Variants in CPNE1 observed in about 807,000 individuals in gnomAD.
The protein encoded by CPNE1 is copine 1, also known as copine-1.
Under a neutral mutation model 63.2 loss-of-function variants are expected in CPNE1, and 58 were observed. The observed-to-expected ratio is 0.92, with a 90% CI of 0.74 to 1.14. The LOEUF is 1.14. Among genes scored for constraint, CPNE1 ranks in the 50% most tolerant of loss-of-function variants. CPNE1 has a pLI of 0.00. For synonymous variants in CPNE1, 237 were observed against 249.0 expected (o/e 0.95, Z 0.45); for missense variants, 672 against 661.7 (o/e 1.02, Z -0.17).
chr20:35,648,311 A>G (rs561499778), intron 1 of CPNE1, among the ~76,000 whole-genome samples: 1 of 152,338 alleles, frequency 6.6e-6, no homozygotes, highest in South Asian at 2.1e-4. Context: ...TACCCTGTAA[A>G]AGCTCTACTT....
chr20:35,654,485 A>G (rs2033764356), intron 1 of CPNE1: 1 of 1,614,206 alleles, frequency 6.2e-7, no homozygotes, highest in East Asian at 2.2e-5. Flanking sequence ...ACAGGATTCA[A>G]CGGACCAAGA....
intron 8 of CPNE1, 27 bp downstream of exon 8, chr20:35,631,465 C>G (rs575324157): frequency 6.2e-7 from 1 of 1,611,946 alleles, no homozygotes; most frequent in East Asian, 2.2e-5. Flanking sequence ...GGCCCATTTC[C>G]ACACCCCTGG....
At chr20:35,640,019 T>G (rs1241102864) in intron 1 of CPNE1, among the ~76,000 whole-genome samples, 2 of 152,302 alleles carry the variant, frequency 1.3e-5, no homozygotes, top group African/African-American at 4.8e-5. Flanking sequence ...CTCACTGATG[T>G]GAGCCCCTAA....
At chr20:35,642,194 T>C (rs1358625932) in intron 1 of CPNE1, among the ~76,000 whole-genome samples, 1 of 152,210 alleles carries the variant, frequency 6.6e-6, no homozygotes, top group Non-Finnish European at 1.5e-5. Context: ...TGGGATCTAA[T>C]TCAGTGCCAA....
intron 13 of CPNE1, among the ~76,000 whole-genome samples, chr20:35,628,646 A>G (rs574083626): frequency 1.3e-5 from 2 of 152,352 alleles, no homozygotes; most frequent in South Asian, 2.1e-4. Flanking sequence ...TATACTGTTT[A>G]TATCATGAAA....
chr20:35,634,905 A>AT (rs56017917), intron 1 of CPNE1, among the ~76,000 whole-genome samples: 14,755 of 122,046 alleles, frequency 0.12, 1,185 homozygotes, highest in Middle Eastern at 0.19. Flanking sequence ...ACACCCAGCT[A>AT]TTTTTTTTTT....
At chr20:35,627,493 C>T in intron 13 of CPNE1, 80 bp from the exon 14 acceptor site, 1 of 1,455,826 alleles carries the variant, frequency 6.9e-7, no homozygotes, top group Non-Finnish European at 9.3e-7. Context: ...CCATCCCAGC[C>T]CAGGAGATCT....
At chr20:35,636,186 A>G (rs1211126983) in intron 1 of CPNE1, among the ~76,000 whole-genome samples, 3 of 152,176 alleles carry the variant, frequency 2.0e-5, no homozygotes, top group Admixed American at 6.5e-5. Context: ...CAGACTTCTG[A>G]CCATCCTGAT....
In CPNE1 at chr20:35,630,440, TG is replaced by T; in HGVS notation, c.1100del (p.Ala367GlufsTer54). ...LNFNPSNPYC[A>X]GIQGIVDAYR... Reference sequence around the variant, plus strand: ...CTCAGGGTGGATGGGGAAACTTACCTGCACAGTAGGGGTTACTGGGGTTGAA... The same window carrying T: ...CTCAGGGTGGATGGGGAAACTTACCTCACAGTAGGGGTTACTGGGGTTGAA... On this transcript the variant is annotated frameshift_variant and splice_region_variant, in exon 13 of 16. Coordinates refer to ENST00000397443, the MANE Select transcript of CPNE1 (RefSeq NM_152925.3). LOFTEE classifies it high-confidence loss of function. 1 of 1,614,102 alleles carries T rather than the reference TG, an allele frequency of 6.2e-7. No homozygotes were observed.
Position 35,652,818 on chromosome 20 carries a change from A to G in CPNE1, c.-1+11942T>C, listed in dbSNP as rs376657170. On this transcript the variant is annotated intron_variant, in intron 1 of 15. Coordinates refer to ENST00000397443, the MANE Select transcript of CPNE1 (RefSeq NM_152925.3). ...GGGGACCACCAATATGGATTGGGCC[A>G]GGGCCGGGGCCGGGGCCGGGGCCAG... is the stretch of plus-strand genomic sequence containing the variant. 5.0e-5 allele frequency: 80 copies of G among 1,602,466 alleles called. No individual in the cohort carries two copies. The highest frequency in any genetic ancestry group is 1.7e-4 in the Middle Eastern group (1 of 6,010).
At chr20:35,646,852 A>G (rs1219244272) in intron 1 of CPNE1, among the ~76,000 whole-genome samples, 2 of 152,208 alleles carry the variant, frequency 1.3e-5, no homozygotes, top group Non-Finnish European at 2.9e-5. Context: ...TGAAATGGCA[A>G]GCCATTAATT....
chr20:35,629,083 C>T (rs1464622044), intron 13 of CPNE1, among the ~76,000 whole-genome samples: 2 of 152,146 alleles, frequency 1.3e-5, no homozygotes, highest in Non-Finnish European at 2.9e-5. Context: ...TGTACACACA[C>T]ACACACATAT....
In CPNE1 at chr20:35,631,122, T is replaced by G; in HGVS notation, c.853A>C (p.Asn285His). 1 of 1,614,102 alleles carries G rather than the reference T, an allele frequency of 6.2e-7. No homozygotes were observed. Among genetic ancestry groups the G allele is most frequent in the Non-Finnish European group, 8.5e-7 (1 of 1,180,020 alleles). ...TTGGTAAAGTAACTTACAGTGAAGTTGATCTGACAGCCTCCCATCACATAG... is the reference window on the plus strand; with the variant it reads ...TTGGTAAAGTAACTTACAGTGAAGTGGATCTGACAGCCTCCCATCACATAG... ...LDYVMGGCQI[N>H]FTVGVDFTGS... The change falls in exon 10 of 16, where the codon AAC becomes CAC. Residue 285 changes from asparagine to histidine, a missense_variant. Coordinates refer to ENST00000397443, the MANE Select transcript of CPNE1 (RefSeq NM_152925.3).
intron 1 of CPNE1, chr20:35,650,886 G>T (rs2033461166): frequency 2.0e-5 from 3 of 152,550 alleles, no homozygotes; most frequent in African/African-American, 7.2e-5. Context: ...TGACCCCTTT[G>T]TAACTACGCT....
intron 1 of CPNE1, chr20:35,651,340 C>CA (rs946838265): frequency 1.1e-4 from 16 of 152,316 alleles, no homozygotes; most frequent in African/African-American, 3.8e-4. Context: ...TCAAGAATCT[C>CA]AATTTTCTCC....
intron 1 of CPNE1, chr20:35,649,212 G>A (rs908666097): frequency 6.6e-6 from 1 of 152,160 alleles, no homozygotes; most frequent in African/African-American, 2.4e-5. Flanking sequence ...CAAAAGATTT[G>A]ACTAGCAGCA....
intron 15 of CPNE1, 31 bp downstream of exon 15, chr20:35,626,536 A>G (rs2031754076): frequency 6.2e-7 from 1 of 1,605,268 alleles, no homozygotes; most frequent in South Asian, 1.1e-5. Flanking sequence ...GTGAAAGGGT[A>G]AACTCCCAGA....
chr20:35,641,812 ACT>A (rs1491204306), intron 1 of CPNE1, among the ~76,000 whole-genome samples: 3 of 152,292 alleles, frequency 2.0e-5, no homozygotes, highest in South Asian at 2.1e-4. Context: ...CAGAATAAAC[ACT>A]GTTTCAGCAT....
At chr20:35,654,755 T>C (rs1405610555) in intron 1 of CPNE1, 10 of 1,613,734 alleles carry the variant, frequency 6.2e-6, no homozygotes, top group South Asian at 4.4e-5. Context: ...ATTGGAGGAA[T>C]TGGTGGCGGC....
Sources: allele counts gnomAD v4.1 joint callset (sites outside exome capture counted in the v4.1 genomes callset), GRCh38; gene constraint gnomAD v4.1.1; transcripts MANE v1.5; gene names NCBI Gene and HGNC (gene_info 2026-07-23, HGNC 2026-07-21).